RNF19A: variants seen among roughly 807,000 people sequenced by gnomAD.
The protein encoded by RNF19A is E3 ubiquitin-protein ligase RNF19A.
Under a neutral mutation model 75.7 loss-of-function variants are expected in RNF19A, and 32 were observed. The ratio of observed to expected loss-of-function variants is 0.42; its 90% CI spans 0.32 to 0.57. The LOEUF (loss-of-function observed/expected upper bound fraction) is 0.57. Ranked by LOEUF, RNF19A falls within the 20% of genes least tolerant of loss-of-function variation. RNF19A has a pLI of 0.10. For synonymous variants in RNF19A, 335 were observed against 345.2 expected, an observed-to-expected ratio of 0.97 and a Z score of 0.33; for missense variants, 782 against 1,036.3, an observed-to-expected ratio of 0.75 and a Z score of 3.37.
Position 100,268,829 on chromosome 8 carries a change from T to G in RNF19A, c.1147A>C (p.Ile383Leu). ...VGIALIAGIAIPAMIIGIPVY... is the reference protein window; with the variant it reads ...VGIALIAGIALPAMIIGIPVY... The stretch of plus-strand genomic sequence containing the variant: ...GGAATGCCAATAATCATTGCAGGAA[T>G]AGCAATGCCAGCTATTAAAGCGATT... The change falls in exon 5 of 10, where the codon ATT (isoleucine) becomes CTT (leucine). Residue 383 changes from isoleucine (I) to leucine (L), a missense_variant. Physicochemically the swap from Ile to Leu is conservative, Grantham distance 5. Around this residue, in one of 7 missense-constraint regions of RNF19A, gnomAD observed 41 missense variants for 75.9 expected, o/e 0.54. Transcript: ENST00000341084. 1 of 1,596,902 alleles carries G rather than the reference T, an allele frequency of 6.3e-7. No homozygotes were observed.
intron 1 of RNF19A, among the ~76,000 whole-genome samples, chr8:100,306,302 T>C (rs1822058438): frequency 6.6e-6 from 1 of 152,218 alleles, no homozygotes; most frequent in Non-Finnish European, 1.5e-5. Flanking sequence ...CAAACTTATT[T>C]CAGAGTTAAA....
chr8:100,278,579 C>T (rs928185721), intron 2 of RNF19A, among the ~76,000 whole-genome samples: 2 of 152,024 alleles, frequency 1.3e-5, no homozygotes, highest in Non-Finnish European at 2.9e-5. Context: ...ACTGAGAGTG[C>T]TTTATCTATA....
In RNF19A at chr8:100,288,224, T is replaced by G; in HGVS notation, c.-50A>C. The G allele has an allele frequency of 2.0e-6, 3 of 1,496,394 alleles. No individual in the cohort carries two copies. The highest frequency in any genetic ancestry group is 2.7e-6 in the Non-Finnish European group (3 of 1,126,880). The allele number at this position is 1,496,394 out of a possible 1,614,324, so 92.7% of individuals were successfully genotyped here. ...TATCCTACTTGGTTCCTTCAGAGAA[T>G]TCTTGAAAAGTTCGATTTACAGAAG... is the stretch of plus-strand genomic sequence containing the variant. On this transcript the variant is annotated 5_prime_UTR_variant, in exon 2 of 10. Transcript: ENST00000341084.
At chr8:100,313,906 T>A (rs1015441199), upstream of RNF19A, among the ~76,000 whole-genome samples, 85 of 150,024 alleles carry the variant, frequency 5.7e-4, 2 homozygotes, top group African/African-American at 2.1e-3. Flanking sequence ...GAACTACTTT[T>A]TTTTTGAGAC....
rs1822580674 is a variant in RNF19A at position 100,329,349 on chromosome 8, C to T, written c.-243+6759G>A. 1.3e-5 allele frequency among the ~76,000 whole-genome samples: 2 copies of T among 151,368 alleles called. No individual in the cohort carries two copies. Among genetic ancestry groups the T allele is most frequent in the African/African-American group, 4.9e-5 (2 of 41,156 alleles). On this transcript the variant is annotated intron_variant, in intron 1 of 3. Coordinates refer to the RNF19A transcript ENST00000519527. The surrounding 1 kb of genome is among the most constrained non-coding windows in gnomAD (Gnocchi z 4.3). ...GTTACAAAAGGCCTGACTTGGCAGC[C>T]ATTCATGAGGGAAAAAAAAAAGACT...
At chr8:100,262,498 C>T (rs1819767056) in intron 7 of RNF19A, among the ~76,000 whole-genome samples, 1 of 152,046 alleles carries the variant, frequency 6.6e-6, no homozygotes, top group African/African-American at 2.4e-5. Flanking sequence ...GCTTGGCACC[C>T]TCAAAAATCA....
At chr8:100,292,398 CAT>C (rs1350518687) in intron 1 of RNF19A, among the ~76,000 whole-genome samples, 4 of 149,750 alleles carry the variant, frequency 2.7e-5, no homozygotes, top group African/African-American at 1.0e-4. Context: ...ATGTGTAAGA[CAT>C]AGTTCTATTT....
chr8:100,335,841 C>T (rs1014010013), intron 1 of RNF19A, among the ~76,000 whole-genome samples: 3 of 152,218 alleles, frequency 2.0e-5, no homozygotes, highest in Admixed American at 1.3e-4. Context: ...GACAGCAGTG[C>T]TCTGGTCTAA....
In RNF19A at chr8:100,330,590, A is replaced by C. The variant is rs1224043603; in HGVS notation, c.-243+5518T>G. Among the ~76,000 whole-genome samples the C allele has an allele frequency of 2.0e-5, 3 of 152,226 alleles. No individual in the cohort carries two copies. The highest frequency in any genetic ancestry group is 6.5e-5 in the Admixed American group (1 of 15,286). On this transcript the variant is annotated intron_variant, in intron 1 of 3. Transcript: ENST00000519527. This position sits in a 1 kb window ranked among gnomAD's most constrained non-coding sequence, Gnocchi z 4.1. The stretch of plus-strand genomic sequence containing the variant: ...GTGGAAAGAGTCTGCAAGAGAATAA[A>C]GCCAACACAGAAAAGTGGGTGTTGG...
chr8:100,291,661 GA>G (rs1160575151), intron 1 of RNF19A, among the ~76,000 whole-genome samples: 4 of 152,144 alleles, frequency 2.6e-5, no homozygotes, highest in Non-Finnish European at 4.4e-5. Context: ...TGCATACACA[GA>G]AAACACTTAC....
rs949516333 is a variant in RNF19A at position 100,260,730 on chromosome 8, A to C, written c.1683-733T>G. Among the ~76,000 whole-genome samples the C allele has an allele frequency of 3.3e-5, 5 of 152,232 alleles. No individual in the cohort carries two copies. Among genetic ancestry groups the C allele is most frequent in the African/African-American group, 1.2e-4 (5 of 41,448 alleles). On this transcript the variant is annotated intron_variant, in intron 8 of 9. Transcript: ENST00000341084. This position sits in a 1 kb window ranked among gnomAD's most constrained non-coding sequence, Gnocchi z 4.1. Reference sequence around the variant, plus strand: ...CAAGGCTAATAAGCCTAAGTGAAAAATAGTGAATTAAAGAGAAACAGGGGA... The same window carrying C: ...CAAGGCTAATAAGCCTAAGTGAAAACTAGTGAATTAAAGAGAAACAGGGGA...
intron 1 of RNF19A, among the ~76,000 whole-genome samples, chr8:100,300,305 A>G (rs1394343204): frequency 2.6e-5 from 4 of 152,240 alleles, no homozygotes; most frequent in Admixed American, 1.3e-4. Flanking sequence ...CAGCAGGTAA[A>G]CAATCATAAA....
At chr8:100,328,288 CT>C (rs913374215) in intron 1 of RNF19A, among the ~76,000 whole-genome samples, 1 of 152,072 alleles carries the variant, frequency 6.6e-6, no homozygotes, top group African/African-American at 2.4e-5. Context: ...GGGGCTGAGA[CT>C]CATTGAGTCA....
At chr8:100,290,497 T>G (rs1821242565) in intron 1 of RNF19A, among the ~76,000 whole-genome samples, 1 of 152,164 alleles carries the variant, frequency 6.6e-6, no homozygotes, top group Admixed American at 6.5e-5. Context: ...TAATGTGCCT[T>G]TTTCTATGTG....
chr8:100,310,906 A>T (rs951988854), upstream of RNF19A, among the ~76,000 whole-genome samples: 2 of 152,102 alleles, frequency 1.3e-5, no homozygotes, highest in Non-Finnish European at 2.9e-5. Flanking sequence ...TTCAATCTAC[A>T]CTAGTCTTGG....
intron 1 of RNF19A, among the ~76,000 whole-genome samples, chr8:100,305,643 A>C (rs1218620221): frequency 2.0e-5 from 3 of 152,214 alleles, no homozygotes; most frequent in Admixed American, 6.5e-5. Flanking sequence ...TAAATACCTT[A>C]GATTGTAGAT....
chr8:100,266,250 G>A (rs1819967071), intron 5 of RNF19A, among the ~76,000 whole-genome samples: 1 of 152,166 alleles, frequency 6.6e-6, no homozygotes, highest in South Asian at 2.1e-4. Context: ...AAGCACCACA[G>A]AATATTATTT....
intron 1 of RNF19A, among the ~76,000 whole-genome samples, chr8:100,299,480 C>G (rs1302071125): frequency 6.6e-6 from 1 of 152,178 alleles, no homozygotes; most frequent in Non-Finnish European, 1.5e-5. Flanking sequence ...AGTGTTTGGA[C>G]CGGGTGCGGT....
Position 100,259,615 on chromosome 8 carries a change from C to T in RNF19A, c.1826+239G>A, listed in dbSNP as rs574487028. Among the ~76,000 whole-genome samples the T allele has an allele frequency of 6.6e-5, 10 of 152,142 alleles. No homozygotes were observed. The highest frequency in any genetic ancestry group is 2.2e-4 in the African/African-American group (9 of 41,510). ...TAACTTCAGAACATTTTCATGATCCCAAAAAGGGATCTTGCATCCATTAGC... is the reference window on the plus strand; with the variant it reads ...TAACTTCAGAACATTTTCATGATCCTAAAAAGGGATCTTGCATCCATTAGC... On this transcript the variant is annotated intron_variant, in intron 9 of 9. Coordinates refer to ENST00000341084, the MANE Select transcript of RNF19A (RefSeq NM_183419.4). The surrounding 1 kb of genome is among the most constrained non-coding windows in gnomAD (Gnocchi z 4.5).
Sources: gnomAD v4.1 joint callset for allele counts (sites outside exome capture counted in the v4.1 genomes callset) on GRCh38, gnomAD v4.1.1 for gene constraint, gnomAD v4.1.1 regional missense constraint, Gnocchi (gnomAD v3.1) non-coding constraint, MANE v1.5 for transcripts, NCBI Gene and HGNC (gene_info 2026-07-23, HGNC 2026-07-21) for gene names.